The following SFMBT2 variants were observed in gnomAD, a reference collection of about 807,000 sequenced individuals.
SFMBT2 encodes the protein Scm like with four mbt domains 2.
A neutral mutation model predicts 110.1 loss-of-function variants in SFMBT2; 38 were observed. The observed-to-expected ratio is 0.35, with a 90% CI of 0.27 to 0.45. The LOEUF is 0.45. Among genes scored for constraint, SFMBT2 ranks in the 20% least tolerant of loss-of-function variants. SFMBT2 has a pLI of 1.00. For missense variants in SFMBT2, 1,011 were observed against 1,094.9 expected, an observed-to-expected ratio of 0.92 and a Z score of 1.08; for synonymous variants, 425 against 425.4, an observed-to-expected ratio of 1.00 and a Z score of 0.01.
Position 7,171,356 on chromosome 10 carries a change from T to G in SFMBT2, c.2416-300A>C, listed in dbSNP as rs78900435. ...CTGCTTATGAACGAAGCATCTCTGATTAGAGAAAAGAGGAGAAATACAAGG... is the reference window on the plus strand; with the variant it reads ...CTGCTTATGAACGAAGCATCTCTGAGTAGAGAAAAGAGGAGAAATACAAGG... On this transcript the variant is annotated intron_variant, in intron 19 of 20. Coordinates refer to ENST00000397167, the MANE Select transcript of SFMBT2 (RefSeq NM_001387889.1). The surrounding 1 kb of genome is among the most constrained non-coding windows in gnomAD (Gnocchi z 4.9). 4,565 of 983,418 alleles carry G rather than the reference T, an allele frequency of 4.6e-3. 168 individuals carry two copies. In the African/African-American group the frequency reaches 0.075, roughly 16 times the overall value. The allele number at this position is 983,418 out of a possible 1,614,324, so 60.9% of individuals were successfully genotyped here.
intron 7 of SFMBT2, among the ~76,000 whole-genome samples, chr10:7,272,819 G>A (rs2131813685): frequency 6.6e-6 from 1 of 152,290 alleles, no homozygotes; most frequent in African/African-American, 2.4e-5. Flanking sequence ...TTGAGACAGA[G>A]TCTTGCTCTG....
At chr10:7,334,357 C>T (rs981411568) in intron 4 of SFMBT2, among the ~76,000 whole-genome samples, 17 of 152,200 alleles carry the variant, frequency 1.1e-4, no homozygotes, top group Non-Finnish European at 1.0e-4. Flanking sequence ...CTGCTGTGTG[C>T]TGCCTTCCGT....
chr10:7,279,501 C>G (rs2131831458), intron 6 of SFMBT2, among the ~76,000 whole-genome samples: 1 of 152,222 alleles, frequency 6.6e-6, no homozygotes, highest in South Asian at 2.1e-4. Flanking sequence ...AACAACAGTC[C>G]CCATGTGCAT....
In SFMBT2 at chr10:7,370,315, C is replaced by G; in HGVS notation, c.161G>C (p.Gly54Ala). 1 of 1,614,162 alleles carries G rather than the reference C, an allele frequency of 6.2e-7. No homozygotes were observed. Among genetic ancestry groups the G allele is most frequent in the South Asian group, 1.1e-5 (1 of 91,078 alleles). The part of the protein sequence containing the change: ...FNWGEYLEET[G>A]ASAAPHTSFK... ...TGATGTGTGGGGAGCAGCACTTGCT[C>G]CTGTCTCTTCCAAATATTCTCCCCA... The change falls in exon 3 of 21, where the codon GGA (glycine) becomes GCA (alanine). Residue 54 changes from glycine (G) to alanine (A), a missense_variant. By Grantham distance (60) the Gly-to-Ala change is moderately conservative. Coordinates refer to ENST00000397167, the MANE Select transcript of SFMBT2 (RefSeq NM_001387889.1).
At chr10:7,308,318 C>T (rs1380788166) in intron 4 of SFMBT2, among the ~76,000 whole-genome samples, 1 of 152,022 alleles carries the variant, frequency 6.6e-6, no homozygotes, top group Non-Finnish European at 1.5e-5. Context: ...TATAATTGCA[C>T]CACTGCACTC....
chr10:7,378,696 G>T (rs1444167610), intron 2 of SFMBT2, among the ~76,000 whole-genome samples: 1 of 148,940 alleles, frequency 6.7e-6, no homozygotes, highest in Non-Finnish European at 1.5e-5. Flanking sequence ...GGATGGTCGG[G>T]TGTGTGCATG....
chr10:7,262,493 C>T (rs1288482173), intron 7 of SFMBT2, among the ~76,000 whole-genome samples: 2 of 152,160 alleles, frequency 1.3e-5, no homozygotes, highest in Admixed American at 6.5e-5. Flanking sequence ...TAAGTTCATG[C>T]TAATATGATC....
At chr10:7,217,350 T>A (rs573567490) in intron 11 of SFMBT2, among the ~76,000 whole-genome samples, 371 of 152,298 alleles carry the variant, frequency 2.4e-3, no homozygotes, top group African/African-American at 8.6e-3. Context: ...TTAAAACCAT[T>A]CTTAAAAATG....
At chr10:7,225,092 G>T (rs1456557420) in intron 10 of SFMBT2, among the ~76,000 whole-genome samples, 2 of 152,176 alleles carry the variant, frequency 1.3e-5, no homozygotes, top group African/African-American at 4.8e-5. Context: ...CAGCTATTAT[G>T]TATTGAGCTT....
chr10:7,309,391 A>G (rs1318370835), intron 4 of SFMBT2, among the ~76,000 whole-genome samples: 4 of 152,184 alleles, frequency 2.6e-5, no homozygotes, highest in Non-Finnish European at 5.9e-5. Flanking sequence ...CTCTCAGTTA[A>G]AGCCACAGGG....
intron 4 of SFMBT2, among the ~76,000 whole-genome samples, chr10:7,354,036 G>A (rs1198877175): frequency 1.3e-5 from 2 of 149,880 alleles, no homozygotes; most frequent in Non-Finnish European, 3.0e-5. Flanking sequence ...GCAGTGAGCC[G>A]AGATCACGCT....
chr10:7,297,534 C>A (rs1211176175), intron 4 of SFMBT2, among the ~76,000 whole-genome samples: 1 of 151,364 alleles, frequency 6.6e-6, no homozygotes, highest in African/African-American at 2.4e-5. Flanking sequence ...AGGGAAAGGG[C>A]GAATGGGAGG....
chr10:7,215,306 G>T (rs1463503732), intron 11 of SFMBT2, among the ~76,000 whole-genome samples: 2 of 152,186 alleles, frequency 1.3e-5, no homozygotes, highest in Non-Finnish European at 2.9e-5. Flanking sequence ...TCAGGAGGCT[G>T]AGGTGGAAGG....
intron 8 of SFMBT2, chr10:7,246,088 G>T: frequency 1.1e-6 from 1 of 928,506 alleles, no homozygotes; most frequent in Non-Finnish European, 1.3e-6. Context: ...GGTTCTAAAA[G>T]ACAGATGCAC....
At chr10:7,266,598 C>T (rs1022466721) in intron 7 of SFMBT2, among the ~76,000 whole-genome samples, 18 of 152,304 alleles carry the variant, frequency 1.2e-4, no homozygotes, top group African/African-American at 1.4e-4. Flanking sequence ...GGCATCCCGC[C>T]CTGATGAGAT....
chr10:7,315,101 A>AAAGGAAGG (rs1564435610), intron 4 of SFMBT2, among the ~76,000 whole-genome samples: 9 of 146,170 alleles, frequency 6.2e-5, no homozygotes, highest in African/African-American at 2.3e-4. Flanking sequence ...AGAAAGAAAG[A>AAAGGAAGG]AAGAAAGAAA....
rs977748707 is a variant in SFMBT2, at chr10:7,286,431, G to A, written c.437-477C>T. 19 of 942,418 alleles carry A rather than the reference G, an allele frequency of 2.0e-5. No homozygotes were observed. In the African/African-American group the frequency reaches 3.4e-4, roughly 17 times the overall value. The allele number at this position is 942,418 out of a possible 1,614,324, so 58.4% of individuals were successfully genotyped here. ...ATAACAAGAGGGGTGGACTGAAGGTGAAATGGAGAAATAGAGAAATGGGGA... is the reference window on the plus strand; with the variant it reads ...ATAACAAGAGGGGTGGACTGAAGGTAAAATGGAGAAATAGAGAAATGGGGA... On this transcript the variant is annotated intron_variant, in intron 4 of 20. Coordinates refer to ENST00000397167, the MANE Select transcript of SFMBT2 (RefSeq NM_001387889.1).
intron 4 of SFMBT2, among the ~76,000 whole-genome samples, chr10:7,287,549 G>A (rs1303841107): frequency 2.0e-5 from 3 of 152,004 alleles, no homozygotes; most frequent in Non-Finnish European, 4.4e-5. Context: ...GCCTTCCCAG[G>A]GCACCAAGAG....
chr10:7,183,779 T>C (rs1838314591), intron 16 of SFMBT2, among the ~76,000 whole-genome samples: 1 of 152,194 alleles, frequency 6.6e-6, no homozygotes, highest in Non-Finnish European at 1.5e-5. Flanking sequence ...CAAATCCAAT[T>C]TGTCTTTCCC....
Sources: gnomAD v4.1 joint callset for allele counts (sites outside exome capture counted in the v4.1 genomes callset) on GRCh38, gnomAD v4.1.1 for gene constraint, Gnocchi (gnomAD v3.1) non-coding constraint, MANE v1.5 for transcripts, NCBI Gene and HGNC (gene_info 2026-07-23, HGNC 2026-07-21) for gene names.